Variants in DGKK observed in about 807,000 individuals in gnomAD.
DGKK encodes 142 kDa diacylglycerol kinase.
A neutral mutation model predicts 92.2 loss-of-function variants in DGKK; 35 were observed. The observed-to-expected ratio is 0.38, with a 90% CI of 0.29 to 0.50. The LOEUF (loss-of-function observed/expected upper bound fraction) is 0.50, where lower values mean the gene tolerates loss of function less well. DGKK is among the 20% of genes least tolerant of loss of function. The pLI is 0.92. For missense variants in DGKK, 910 were observed against 992.2 expected, an observed-to-expected ratio of 0.92 and a Z score of 1.11; for synonymous variants, 368 against 360.6, an observed-to-expected ratio of 1.02 and a Z score of -0.23.
chrX:50,376,814 G>C lies in DGKK; in HGVS notation c.3216C>G (p.Asp1072Glu), dbSNP rs782341862. 1 of 1,207,605 alleles carries C rather than the reference G, an allele frequency of 8.3e-7. No homozygotes were observed. Among genetic ancestry groups the C allele is most frequent in the Non-Finnish European group, 1.1e-6 (1 of 893,289 alleles). ...AGTGCTGCATCTGGGCATACTCCTC[G>C]TCAGAGAGGCTCTCTTGAGAGTCCT... The part of the protein sequence containing the change: ...DFQDSQESLS[D>E]EEYAQMQHLA... The change falls in exon 23 of 28, where the codon GAC becomes GAG. Residue 1072 changes from aspartate (D) to glutamate (E), a missense_variant. Transcript: ENST00000611977.
intron 1 of DGKK, among the ~76,000 whole-genome samples, chrX:50,448,460 C>T (rs782610972): frequency 2.7e-5 from 3 of 110,991 alleles, no homozygotes; most frequent in Non-Finnish European, 5.7e-5. Flanking sequence ...AGACATAATG[C>T]TAGACTCCTA....
At position 50,369,029 on chromosome X, in the gene DGKK, A is replaced by G; in HGVS notation, c.3737-10T>C. 2 of 1,172,679 alleles carry G rather than the reference A, an allele frequency of 1.7e-6. No homozygotes were observed. Among genetic ancestry groups the G allele is most frequent in the Non-Finnish European group, 2.3e-6 (2 of 866,658 alleles). Reference sequence around the variant, plus strand: ...CGGTGCCATAAATTGCCTTCAGAGGAAAAAAAATGGTATAGAAATAATGAG... The same window carrying G: ...CGGTGCCATAAATTGCCTTCAGAGGGAAAAAAATGGTATAGAAATAATGAG... On this transcript the variant is annotated splice_polypyrimidine_tract_variant and intron_variant, in intron 27 of 27. Transcript: ENST00000611977.
chrX:50,378,300 C>T, intron 21 of DGKK, 68 bp from the exon 22 acceptor site: 1 of 1,134,666 alleles, frequency 8.8e-7, no homozygotes, highest in Non-Finnish European at 1.2e-6. Context: ...ATCTGATAAT[C>T]TCATAGTTAT....
At position 50,397,207 on chromosome X, in the gene DGKK, A is replaced by C. The variant is rs1240857090; in HGVS notation, c.1411+3830T>G. On this transcript the variant is annotated intron_variant, in intron 8 of 27. Coordinates refer to ENST00000611977, the MANE Select transcript of DGKK (RefSeq NM_001013742.4). Reference sequence around the variant, plus strand: ...ACAGCCTGAAAGAACCTTTCAAAAAAAGCTCATGTTTCTTTGAGCTGCATT... The same window carrying C: ...ACAGCCTGAAAGAACCTTTCAAAAACAGCTCATGTTTCTTTGAGCTGCATT... Among the ~76,000 whole-genome samples, 6 of 111,945 alleles carry C rather than the reference A, an allele frequency of 5.4e-5. No homozygotes were observed. The Admixed American group carries it at 5.7e-4, about 11-fold the overall frequency.
chrX:50,456,189 G>C (rs1185517899), intron 1 of DGKK, among the ~76,000 whole-genome samples: 1 of 111,958 alleles, frequency 8.9e-6, no homozygotes, highest in Non-Finnish European at 1.9e-5. Flanking sequence ...TCCCTGACCA[G>C]ACCATTTCAA....
intron 1 of DGKK, among the ~76,000 whole-genome samples, chrX:50,425,560 C>T (rs188493500): frequency 2.7e-5 from 3 of 110,481 alleles, no homozygotes; most frequent in Non-Finnish European, 3.8e-5. Context: ...CACACACACA[C>T]GTACTCATAC....
rs1367066205 is a variant in DGKK, at chrX:50,366,171, A to T, written c.*2769T>A. The T allele has an allele frequency of 1.8e-5, 2 of 112,439 alleles. No individual in the cohort carries two copies. The highest frequency in any genetic ancestry group is 6.5e-5 in the African/African-American group (2 of 30,918). The allele number at this position is 112,439 out of a possible 1,213,427, so 9.3% of individuals were successfully genotyped here. A position where few individuals can be genotyped will look rare whatever the true frequency, so the allele number is the denominator to read the frequency against. On this transcript the variant is annotated 3_prime_UTR_variant, in exon 28 of 28. Coordinates refer to ENST00000611977, the MANE Select transcript of DGKK (RefSeq NM_001013742.4). Reference sequence around the variant, plus strand: ...TTGTATTAATTACTGCAAGTGGTTAACAAAGTCCTTAAAGGAGCTCACACT... The same window carrying T: ...TTGTATTAATTACTGCAAGTGGTTATCAAAGTCCTTAAAGGAGCTCACACT...
chrX:50,395,042 A>G (rs182052699), intron 8 of DGKK, among the ~76,000 whole-genome samples: 156 of 110,836 alleles, frequency 1.4e-3, no homozygotes, highest in African/African-American at 4.9e-3. Context: ...GAGTGGCAGA[A>G]GATGAGGTCA....
At chrX:50,427,854 G>C (rs1415313151) in intron 1 of DGKK, among the ~76,000 whole-genome samples, 1 of 110,397 alleles carries the variant, frequency 9.1e-6, no homozygotes, top group Non-Finnish European at 1.9e-5. Context: ...CTAGTATAAA[G>C]CTATAATAAT....
intron 8 of DGKK, among the ~76,000 whole-genome samples, chrX:50,400,726 C>A (rs1924979512): frequency 9.0e-6 from 1 of 111,550 alleles, no homozygotes; most frequent in Admixed American, 9.5e-5. Context: ...TCCTTGACCA[C>A]CTGGACACAA....
chrX:50,413,975 T>C (rs1925365608), intron 4 of DGKK, among the ~76,000 whole-genome samples: 2 of 111,863 alleles, frequency 1.8e-5, no homozygotes, highest in South Asian at 7.4e-4. Context: ...CATCAACAAA[T>C]GAATGATTAA....
intron 1 of DGKK, among the ~76,000 whole-genome samples, chrX:50,461,203 A>C (rs1007086614): frequency 4.5e-5 from 5 of 112,342 alleles, no homozygotes; most frequent in Non-Finnish European, 9.4e-5. Context: ...TATGTTTAAC[A>C]ATCAGATCAG....
chrX:50,431,105 C>CA (rs1432047484), intron 1 of DGKK, among the ~76,000 whole-genome samples: 10 of 110,642 alleles, frequency 9.0e-5, no homozygotes, highest in Non-Finnish European at 1.9e-5. Flanking sequence ...AATCATGACT[C>CA]ACTGTAACCT....
At chrX:50,464,368 C>T (rs1390967414) in intron 1 of DGKK, among the ~76,000 whole-genome samples, 3 of 109,474 alleles carry the variant, frequency 2.7e-5, no homozygotes, top group Non-Finnish European at 3.8e-5. Context: ...TCTTTTGTCC[C>T]TCCCTCCCGC....
chrX:50,456,787 A>G (rs1322048979), intron 1 of DGKK, among the ~76,000 whole-genome samples: 5 of 111,219 alleles, frequency 4.5e-5, no homozygotes, highest in African/African-American at 9.8e-5. Flanking sequence ...AGAAAAATCT[A>G]TAATCCTCTG....
chrX:50,441,144 A>G (rs2071509366), intron 1 of DGKK, among the ~76,000 whole-genome samples: 1 of 111,261 alleles, frequency 9.0e-6, no homozygotes, highest in Admixed American at 9.6e-5. Context: ...CAAGTTACAT[A>G]ATGAGAAATA....
At chrX:50,414,462 C>A (rs1432564327) in intron 4 of DGKK, among the ~76,000 whole-genome samples, 1 of 111,080 alleles carries the variant, frequency 9.0e-6, no homozygotes, top group Non-Finnish European at 1.9e-5. Flanking sequence ...CTCCATAAAT[C>A]TGTGTAATTA....
At chrX:50,433,285 T>C (rs1446120370) in intron 1 of DGKK, among the ~76,000 whole-genome samples, 1 of 112,032 alleles carries the variant, frequency 8.9e-6, no homozygotes, top group African/African-American at 3.2e-5. Context: ...CCCTGCCCTG[T>C]TAGAGATTAT....
At chrX:50,381,920 G>T in intron 18 of DGKK, among the ~76,000 whole-genome samples, 1 of 111,274 alleles carries the variant, frequency 9.0e-6, no homozygotes, top group Non-Finnish European at 1.9e-5. Flanking sequence ...TGGCAAGGGT[G>T]GGGTGTTGTG....
Sources: gnomAD v4.1 joint callset for allele counts (sites outside exome capture counted in the v4.1 genomes callset) on GRCh38, gnomAD v4.1.1 for gene constraint, MANE v1.5 for transcripts, NCBI Gene and HGNC (gene_info 2026-07-23, HGNC 2026-07-21) for gene names.